The following ADGRB3 variants were observed in gnomAD, a reference collection of about 807,000 sequenced individuals.
ADGRB3 encodes the protein adhesion G protein-coupled receptor B3, also known as brain-specific angiogenesis inhibitor 3.
In ADGRB3, 37 loss-of-function variants were observed where a neutral mutation model predicts 193.4. The ratio of observed to expected loss-of-function variants is 0.19; its 90% confidence interval spans 0.15 to 0.25. The LOEUF (loss-of-function observed/expected upper bound fraction) is 0.25. Among genes scored for constraint, ADGRB3 ranks in the 10% least tolerant of loss-of-function variants. The pLI is 1.00. For missense variants in ADGRB3, 1,637 were observed against 1,852.9 expected, an observed-to-expected ratio of 0.88 and a Z score of 2.14; for synonymous variants, 690 against 644.2, an observed-to-expected ratio of 1.07 and a Z score of -1.08.
chr6:68,636,337 A>G (rs1462302077), intron 1 of ADGRB3, among the ~76,000 whole-genome samples: 6 of 151,966 alleles, frequency 3.9e-5, no homozygotes, highest in African/African-American at 7.3e-5. Context: ...GGGGGGAAAA[A>G]TCTGTGGAGT....
chr6:69,176,082 CAAAG>C (rs1775412179), intron 17 of ADGRB3, among the ~76,000 whole-genome samples: 1 of 152,108 alleles, frequency 6.6e-6, no homozygotes, highest in Non-Finnish European at 1.5e-5. Flanking sequence ...ATATCATCAA[CAAAG>C]AGAGAGTTGA....
intron 20 of ADGRB3, among the ~76,000 whole-genome samples, chr6:69,322,206 G>A (rs1477818800): frequency 1.3e-5 from 2 of 151,904 alleles, no homozygotes; most frequent in Non-Finnish European, 1.5e-5. Context: ...TGGCTGCATA[G>A]TATTCCATGT....
At chr6:69,161,011 G>T (rs1774971177) in intron 17 of ADGRB3, among the ~76,000 whole-genome samples, 1 of 151,988 alleles carries the variant, frequency 6.6e-6, no homozygotes, top group Non-Finnish European at 1.5e-5. Flanking sequence ...TTACTAGTAT[G>T]GTAACTGATA....
chr6:68,679,598 A>T (rs897698970), intron 3 of ADGRB3, among the ~76,000 whole-genome samples: 1 of 152,154 alleles, frequency 6.6e-6, no homozygotes, highest in Non-Finnish European at 1.5e-5. Flanking sequence ...GCAACGTGCC[A>T]TCCACCACAG....
intron 17 of ADGRB3, among the ~76,000 whole-genome samples, chr6:69,210,786 G>A (rs1289230910): frequency 6.6e-6 from 1 of 152,010 alleles, no homozygotes; most frequent in Non-Finnish European, 1.5e-5. Flanking sequence ...ATAGCACCCA[G>A]CTTCCCTGCC....
At chr6:68,818,389 G>T (rs1481217305) in intron 3 of ADGRB3, among the ~76,000 whole-genome samples, 1 of 152,046 alleles carries the variant, frequency 6.6e-6, no homozygotes, top group Non-Finnish European at 1.5e-5. Flanking sequence ...GCACACAGCA[G>T]ATCCTCAAGA....
intron 3 of ADGRB3, among the ~76,000 whole-genome samples, chr6:68,802,963 T>C (rs891214696): frequency 2.0e-5 from 3 of 152,214 alleles, no homozygotes; most frequent in Non-Finnish European, 4.4e-5. Context: ...CCTCGACTTA[T>C]CTTTCCAATG....
chr6:69,214,163 T>C (rs955792631), intron 17 of ADGRB3, among the ~76,000 whole-genome samples: 9 of 152,132 alleles, frequency 5.9e-5, no homozygotes, highest in Admixed American at 5.2e-4. Flanking sequence ...ACAAACAGCA[T>C]TAGCAAAGGC....
intron 16 of ADGRB3, among the ~76,000 whole-genome samples, chr6:69,073,660 T>G (rs2150311775): frequency 6.6e-6 from 1 of 152,210 alleles, no homozygotes; most frequent in Admixed American, 6.5e-5. Flanking sequence ...AACTGCACAT[T>G]CCTTATACTG....
At chr6:68,952,669 G>GC (rs1767960453) in intron 6 of ADGRB3, among the ~76,000 whole-genome samples, 1 of 151,884 alleles carries the variant, frequency 6.6e-6, no homozygotes, top group Admixed American at 6.6e-5. Flanking sequence ...TAAAAAGCTT[G>GC]CAAAAAAAAG....
At chr6:69,220,305 T>A (rs778368844) in intron 17 of ADGRB3, among the ~76,000 whole-genome samples, 4 of 152,134 alleles carry the variant, frequency 2.6e-5, no homozygotes, top group Admixed American at 6.6e-5. Flanking sequence ...ATCCAATACT[T>A]CTTCTGCAAA....
At chr6:69,234,463 G>A (rs1038499098) in intron 18 of ADGRB3, among the ~76,000 whole-genome samples, 3 of 151,978 alleles carry the variant, frequency 2.0e-5, no homozygotes, top group Non-Finnish European at 4.4e-5. Flanking sequence ...TAAATTTGAC[G>A]TTTGATTTTC....
intron 3 of ADGRB3, among the ~76,000 whole-genome samples, chr6:68,830,593 G>T (rs1470210174): frequency 1.3e-5 from 2 of 152,020 alleles, no homozygotes; most frequent in African/African-American, 4.8e-5. Context: ...GGCCAGAAAT[G>T]ATATATTTTA....
intron 20 of ADGRB3, among the ~76,000 whole-genome samples, chr6:69,255,697 T>C (rs1256130495): frequency 6.6e-6 from 1 of 152,218 alleles, no homozygotes; most frequent in Non-Finnish European, 1.5e-5. Flanking sequence ...GCAGAAGCTC[T>C]TTAGTTTGAT....
At chr6:68,911,062 C>T (rs578073347) in intron 3 of ADGRB3, among the ~76,000 whole-genome samples, 1 of 151,990 alleles carries the variant, frequency 6.6e-6, no homozygotes, top group Non-Finnish European at 1.5e-5. Context: ...TCATGTGGCA[C>T]ATATACACCA....
chr6:69,025,159 C>T (rs989270806), intron 13 of ADGRB3, among the ~76,000 whole-genome samples: 1 of 151,712 alleles, frequency 6.6e-6, no homozygotes, highest in Non-Finnish European at 1.5e-5. Flanking sequence ...GATGAAAATT[C>T]ATAGTTGATG....
chr6:68,835,064 G>A (rs1001458849), intron 3 of ADGRB3, among the ~76,000 whole-genome samples: 1 of 152,142 alleles, frequency 6.6e-6, no homozygotes, highest in Non-Finnish European at 1.5e-5. Context: ...GAGGAGAATT[G>A]TAGGAGAAAG....
At chr6:69,384,958 TTC>T (rs1472821009) in intron 31 of ADGRB3, among the ~76,000 whole-genome samples, 5 of 85,356 alleles carry the variant, frequency 5.9e-5, no homozygotes, top group African/African-American at 1.3e-4. Context: ...TTCTTTTCTT[TTC>T]TTTTTTTTTT....
chr6:69,160,561 G>T (rs1457375831), intron 17 of ADGRB3, among the ~76,000 whole-genome samples: 4 of 151,964 alleles, frequency 2.6e-5, no homozygotes, highest in African/African-American at 9.7e-5. Flanking sequence ...TTCCTTTATT[G>T]TTAATGCTAT....
Sources: allele counts gnomAD v4.1 joint callset (sites outside exome capture counted in the v4.1 genomes callset), GRCh38; gene constraint gnomAD v4.1.1; transcripts MANE v1.5; gene names NCBI Gene and HGNC (gene_info 2026-07-23, HGNC 2026-07-21).